The following MVK variants were observed in gnomAD, a reference collection of about 807,000 sequenced individuals.
MVK encodes LH receptor mRNA-binding protein.
A neutral mutation model predicts 43.2 loss-of-function variants in MVK; 34 were observed. The observed-to-expected ratio is 0.79, with a 90% CI of 0.60 to 1.05. The LOEUF is 1.05. Among genes scored for constraint, MVK ranks in the 50% least tolerant of loss-of-function variants. The pLI is 0.00. For missense variants in MVK, 395 were observed against 504.0 expected (o/e 0.78, Z 2.07); for synonymous variants, 190 against 219.8 (o/e 0.86, Z 1.20).
Position 109,596,653 on chromosome 12 carries a change from G to A in MVK, c.*76G>A. On this transcript the variant is annotated 3_prime_UTR_variant, in exon 11 of 11. Transcript: ENST00000228510. ...TCTGGGGGCTGCAGTTCGACTCTGT[G>A]CTGGCCAGCGAGCGCCCAGCTCCTG... 1 of 1,569,698 alleles carries A rather than the reference G, an allele frequency of 6.4e-7. No individual in the cohort carries two copies. Among genetic ancestry groups the A allele is most frequent in the Non-Finnish European group, 8.6e-7 (1 of 1,161,968 alleles).
intron 5 of MVK, among the ~76,000 whole-genome samples, chr12:109,583,910 C>T (rs1259725958): frequency 2.0e-5 from 3 of 152,210 alleles, no homozygotes; most frequent in Non-Finnish European, 4.4e-5. Flanking sequence ...CTACTAGGAG[C>T]TTAGTCACAG....
At position 109,596,503 on chromosome 12, in the gene MVK, G is replaced by A. The variant is rs1412026128; in HGVS notation, c.1117G>A (p.Gly373Ser). Residue 373 changes from glycine to serine, a missense_variant, in exon 11 of 11, where the codon GGT (glycine) becomes AGT (serine). Coordinates refer to ENST00000228510, the MANE Select transcript of MVK (RefSeq NM_000431.4). Reference protein sequence around the residue: ...CGFDCLETSIGAPGVSIHSAT... With the variant: ...CGFDCLETSISAPGVSIHSAT... ...CTTTGACTGCTTGGAAACCAGCATC[G>A]GTGCCCCCGGCGTCTCCATCCACTC... 13 of 1,613,132 alleles carry A rather than the reference G, an allele frequency of 8.1e-6. No individual in the cohort carries two copies. The highest frequency in any genetic ancestry group is 6.7e-5 in the East Asian group (3 of 44,902).
Position 109,595,249 on chromosome 12 carries a change from C to T in MVK, c.1039+68C>T. 1.3e-6 allele frequency: 2 copies of T among 1,591,570 alleles called. No homozygotes were observed. Among genetic ancestry groups the T allele is most frequent in the Non-Finnish European group, 1.7e-6 (2 of 1,171,334 alleles). ...TAAGAGGGGTCCACCTGGAGAATTCCCTTGAAAGGAAAAAGAGACCTGGAA... is the reference window on the plus strand; with the variant it reads ...TAAGAGGGGTCCACCTGGAGAATTCTCTTGAAAGGAAAAAGAGACCTGGAA... On this transcript the variant is annotated intron_variant, in intron 10 of 10. Transcript: ENST00000228510. The surrounding 1 kb of genome is among the most constrained non-coding windows in gnomAD (Gnocchi z 5.9).
chr12:109,580,138 T>G (rs967994517), intron 4 of MVK, among the ~76,000 whole-genome samples, 192 bp downstream of exon 4: 8 of 152,208 alleles, frequency 5.3e-5, no homozygotes, highest in Non-Finnish European at 1.0e-4. Flanking sequence ...ACAGGGTCTC[T>G]GTTGCTCAGG....
At chr12:109,581,316 C>T in intron 4 of MVK, 79 bp from the exon 5 acceptor site, 1 of 1,587,456 alleles carries the variant, frequency 6.3e-7, no homozygotes, top group South Asian at 1.1e-5. Flanking sequence ...GGAGTCAGGC[C>T]TGGGCCTGGC....
intron 5 of MVK, among the ~76,000 whole-genome samples, chr12:109,584,037 CAGTG>C (rs1478762403): frequency 6.6e-6 from 1 of 152,190 alleles, no homozygotes; most frequent in African/African-American, 2.4e-5. Flanking sequence ...CCTGACCCAG[CAGTG>C]AGTAGCACTG....
Position 109,573,859 on chromosome 12 carries a change from C to T in MVK, c.-29C>T, listed in dbSNP as rs534090085. 5.0e-5 allele frequency: 10 copies of T among 200,450 alleles called. No homozygotes were observed. Among genetic ancestry groups the T allele is most frequent in the Admixed American group, 2.5e-4 (4 of 16,184 alleles). 12.4% of individuals were successfully genotyped at this position (200,450 alleles called of 1,614,324 possible). A position where few individuals can be genotyped will look rare whatever the true frequency, so the allele number is the denominator to read the frequency against. ...CGCGGAGGGGCGGCGGCCGGGGAGG[C>T]GGCGGCGGCGGCAGGTGAGAGGCCG... On this transcript the variant is annotated 5_prime_UTR_variant, in exon 1 of 11. Coordinates refer to ENST00000228510, the MANE Select transcript of MVK (RefSeq NM_000431.4).
chr12:109,578,737 G>A (rs1047868641), intron 3 of MVK, among the ~76,000 whole-genome samples: 6 of 152,194 alleles, frequency 3.9e-5, no homozygotes, highest in Admixed American at 2.0e-4. Context: ...CATTTACCCA[G>A]TACTTAACCA....
upstream of MVK, chr12:109,573,272 G>T: frequency 1.9e-6 from 3 of 1,591,578 alleles, no homozygotes; most frequent in Non-Finnish European, 1.7e-6. Context: ...ACCTCACGGC[G>T]GTGTGACGTA....
Position 109,596,777 on chromosome 12 carries a change from T to C in MVK, c.*200T>C, listed in dbSNP as rs1163731503. On this transcript the variant is annotated 3_prime_UTR_variant, in exon 11 of 11. Transcript: ENST00000228510. ...GGCATGGTCTGCCCTCTGCATCCTC[T>C]GGAGCCAGCCGAGCAGGAGGCCTAG... is the stretch of plus-strand genomic sequence containing the variant. 1.3e-6 allele frequency: 1 copy of C among 763,946 alleles called. No homozygotes were observed. The highest frequency in any genetic ancestry group is 2.1e-6 in the Non-Finnish European group (1 of 473,702). 47.3% of individuals were successfully genotyped at this position (763,946 alleles called of 1,614,324 possible). A position where few individuals can be genotyped will look rare whatever the true frequency, so the allele number is the denominator to read the frequency against.
chr12:109,596,523 CCA>C lies in MVK; in HGVS notation c.1139_1140del (p.His380LeufsTer109). 6.2e-7 allele frequency: 1 copy of C among 1,612,714 alleles called. No homozygotes were observed. Among genetic ancestry groups the C allele is most frequent in the Non-Finnish European group, 8.5e-7 (1 of 1,179,946 alleles). On this transcript the variant is annotated frameshift_variant, in exon 11 of 11. Coordinates refer to ENST00000228510, the MANE Select transcript of MVK (RefSeq NM_000431.4). LOFTEE classifies it high-confidence loss of function. ...TSIGAPGVSI[H>X]SATSLDSRVQ... ...GCATCGGTGCCCCCGGCGTCTCCAT[CCA>C]CTCAGCCACCTCCCTGGACAGCCGA... is the stretch of plus-strand genomic sequence containing the variant.
At chr12:109,594,790 C>T (rs1024100388) in intron 9 of MVK, among the ~76,000 whole-genome samples, 5 of 152,224 alleles carry the variant, frequency 3.3e-5, no homozygotes, top group Admixed American at 6.5e-5. Flanking sequence ...GTGACCAGCC[C>T]TAGGATATGT....
chr12:109,593,962 C>T (rs533271535), intron 9 of MVK, among the ~76,000 whole-genome samples: 2 of 152,026 alleles, frequency 1.3e-5, no homozygotes, highest in African/African-American at 4.8e-5. Context: ...AAGTGATCCA[C>T]CCGCCTCGAC....
chr12:109,577,518 C>G (rs1420655945), intron 3 of MVK, among the ~76,000 whole-genome samples: 1 of 152,182 alleles, frequency 6.6e-6, no homozygotes, highest in Non-Finnish European at 1.5e-5. Context: ...CTGTGTTGCC[C>G]AGGCTGGTCT....
At position 109,586,010 on chromosome 12, in the gene MVK, C is replaced by T. The variant is rs1190937684; in HGVS notation, c.528-12C>T. Reference sequence around the variant, plus strand: ...TCACTGCCACAGTAAAGATGAACATCTGTGTCTTCAGGTGGACCAAGGAGG... The same window carrying T: ...TCACTGCCACAGTAAAGATGAACATTTGTGTCTTCAGGTGGACCAAGGAGG... On this transcript the variant is annotated splice_polypyrimidine_tract_variant and intron_variant, in intron 5 of 10. Transcript: ENST00000228510. 3.1e-6 allele frequency: 5 copies of T among 1,608,112 alleles called. No homozygotes were observed. The highest frequency in any genetic ancestry group is 8.5e-7 in the Non-Finnish European group (1 of 1,174,504).
chr12:109,576,481 A>G (rs1488021985), intron 3 of MVK, among the ~76,000 whole-genome samples: 3 of 152,158 alleles, frequency 2.0e-5, no homozygotes. Flanking sequence ...GGCAGTGGTG[A>G]TTAGTTCTCC....
intron 5 of MVK, among the ~76,000 whole-genome samples, chr12:109,582,448 C>T (rs543924417): frequency 4.6e-5 from 7 of 152,238 alleles, no homozygotes; most frequent in South Asian, 2.1e-4. Context: ...TGATTTTCCA[C>T]GGGCCAAAGG....
At chr12:109,588,556 A>T (rs1885542791) in intron 7 of MVK, 1 of 152,314 alleles carries the variant, frequency 6.6e-6, no homozygotes, top group African/African-American at 2.4e-5. Flanking sequence ...CCACAGGCCT[A>T]GGTTTGAGTC....
At position 109,596,700 on chromosome 12, in the gene MVK, C is replaced by T; in HGVS notation, c.*123C>T. The stretch of plus-strand genomic sequence containing the variant: ...CCTGACACTGCTGGAGAGGCCCCAG[C>T]CGCTTGGCGATGCCAGCCAAGCTCT... On this transcript the variant is annotated 3_prime_UTR_variant, in exon 11 of 11. Transcript: ENST00000228510. The T allele has an allele frequency of 7.2e-7, 1 of 1,388,250 alleles. No individual in the cohort carries two copies. The highest frequency in any genetic ancestry group is 2.0e-5 in the Admixed American group (1 of 51,024). 86.0% of individuals were successfully genotyped at this position (1,388,250 alleles called of 1,614,324 possible). A position where few individuals can be genotyped will look rare whatever the true frequency, so the allele number is the denominator to read the frequency against.
Sources: allele counts gnomAD v4.1 joint callset (sites outside exome capture counted in the v4.1 genomes callset), GRCh38; gene constraint gnomAD v4.1.1; non-coding constraint Gnocchi (gnomAD v3.1); transcripts MANE v1.5; gene names NCBI Gene and HGNC (gene_info 2026-07-23, HGNC 2026-07-21).